FBXO28: variants seen among roughly 807,000 people sequenced by gnomAD.
FBXO28 encodes F-box protein 28.
In FBXO28, 8 loss-of-function variants were observed where a neutral mutation model predicts 38.1. That is an observed-to-expected ratio of 0.21 (90% CI 0.12 to 0.38). The LOEUF is 0.38. Among genes scored for constraint, FBXO28 ranks in the 10% least tolerant of loss-of-function variants. The probability of loss-of-function intolerance (pLI) is 1.00; values close to 1 mark genes in which losing one functional copy is unlikely to be tolerated. For missense variants in FBXO28, 345 were observed against 460.6 expected (o/e 0.75, Z 2.30); for synonymous variants, 168 against 173.8 (o/e 0.97, Z 0.26).
Position 224,161,913 on chromosome 1 carries a change from A to G in FBXO28, c.*4167A>G, listed in dbSNP as rs139930774. ...ATTGTGGTACCATGTCTGTTTACCT[A>G]TGCTTATGAGCAACAATAAATTACT... On this transcript the variant is annotated 3_prime_UTR_variant, in exon 5 of 5. Transcript: ENST00000366862. 1.3e-5 allele frequency: 2 copies of G among 152,336 alleles called. No homozygotes were observed. The highest frequency in any genetic ancestry group is 2.4e-5 in the African/African-American group (1 of 41,584). The allele number at this position is 152,336 out of a possible 1,614,324, so 9.4% of individuals were successfully genotyped here. A position where few individuals can be genotyped will look rare whatever the true frequency, so the allele number is the denominator to read the frequency against.
chr1:224,129,662 T>C (rs905520754), intron 1 of FBXO28, among the ~76,000 whole-genome samples: 4 of 152,156 alleles, frequency 2.6e-5, no homozygotes, highest in African/African-American at 4.8e-5. Flanking sequence ...TGCCTGCACA[T>C]AGTATTAATT....
At chr1:224,149,008 C>T (rs564805415) in intron 3 of FBXO28, among the ~76,000 whole-genome samples, 2 of 152,260 alleles carry the variant, frequency 1.3e-5, no homozygotes, top group South Asian at 4.1e-4. Flanking sequence ...AGTCATGTTT[C>T]ACTGGATAGG....
In FBXO28 at chr1:224,153,267, G is replaced by A. The variant is rs1657688379; in HGVS notation, c.642G>A (p.Lys214=). The part of the protein sequence containing the change: ...SSMAMEYFDE[K]IVPILKRKLP... ...TGGCAATGGAGTACTTTGATGAAAA[G>A]ATTGTTCCAATTTTAAAGAGGAAAT... Residue 214 remains lysine (K), a synonymous_variant, in exon 4 of 5, where the codon AAG becomes AAA. Coordinates refer to ENST00000366862, the MANE Select transcript of FBXO28 (RefSeq NM_015176.4). 6.2e-7 allele frequency: 1 copy of A among 1,611,310 alleles called. No homozygotes were observed. The highest frequency in any genetic ancestry group is 1.3e-5 in the African/African-American group (1 of 74,858).
intron 3 of FBXO28, among the ~76,000 whole-genome samples, chr1:224,145,405 C>A (rs1657477006): frequency 6.6e-6 from 1 of 151,372 alleles, no homozygotes. Context: ...TATTAATTAG[C>A]CTATGATAAA....
intron 1 of FBXO28, among the ~76,000 whole-genome samples, chr1:224,116,104 C>T (rs1656638415): frequency 6.6e-6 from 1 of 152,192 alleles, no homozygotes; most frequent in Non-Finnish European, 1.5e-5. Flanking sequence ...GGAGTCCCTT[C>T]AGTACAACTG....
intron 3 of FBXO28, among the ~76,000 whole-genome samples, chr1:224,148,669 GAAA>G (rs1240562426): frequency 2.2e-5 from 3 of 135,402 alleles, no homozygotes; most frequent in Non-Finnish European, 3.2e-5. Context: ...CTCAAAAAAA[GAAA>G]AAAAAAAAGA....
At chr1:224,149,439 C>T (rs990764627) in intron 3 of FBXO28, among the ~76,000 whole-genome samples, 1 of 152,158 alleles carries the variant, frequency 6.6e-6, no homozygotes, top group African/African-American at 2.4e-5. Context: ...AGTCTTCCCA[C>T]CTCGGCCTCC....
intron 3 of FBXO28, 188 bp downstream of exon 3, chr1:224,134,400 A>T: frequency 2.0e-6 from 1 of 497,228 alleles, no homozygotes; most frequent in Non-Finnish European, 3.4e-6. Context: ...TTAAAATTCT[A>T]ATTATGAAAT....
At chr1:224,132,199 C>T (rs893517400) in intron 2 of FBXO28, among the ~76,000 whole-genome samples, 3 of 152,042 alleles carry the variant, frequency 2.0e-5, no homozygotes, top group African/African-American at 7.2e-5. Flanking sequence ...TTTCAGTGAG[C>T]CAAGATCGCG....
intron 1 of FBXO28, among the ~76,000 whole-genome samples, chr1:224,128,750 G>T (rs568796107): frequency 3.3e-5 from 5 of 152,142 alleles, no homozygotes; most frequent in African/African-American, 1.2e-4. Flanking sequence ...ACTTTGGCAG[G>T]CCAAAGCAGA....
rs146779398 is a variant in FBXO28, at chr1:224,120,084, G to A, written c.267+5688G>A. 4.4e-4 allele frequency among the ~76,000 whole-genome samples: 67 copies of A among 152,288 alleles called. No homozygotes were observed. In the East Asian group the frequency reaches 0.013, roughly 28 times the overall value. On this transcript the variant is annotated intron_variant, in intron 1 of 4. Coordinates refer to ENST00000366862, the MANE Select transcript of FBXO28 (RefSeq NM_015176.4). ...ATATATCTGCATACCTTGATAAACT[G>A]AGTAGTATGAATTCTTACAAAATTG... is the stretch of plus-strand genomic sequence containing the variant.
intron 3 of FBXO28, among the ~76,000 whole-genome samples, chr1:224,148,677 AAAAG>A (rs1407979470): frequency 6.6e-6 from 1 of 151,960 alleles, no homozygotes; most frequent in Non-Finnish European, 1.5e-5. Context: ...AAGAAAAAAA[AAAAG>A]AAAAGAAACA....
At chr1:224,127,075 G>A (rs4528084) in intron 1 of FBXO28, among the ~76,000 whole-genome samples, 38,589 of 151,400 alleles carry the variant, frequency 0.25, 5,161 homozygotes, top group East Asian at 0.47. Flanking sequence ...TGATTATTCA[G>A]GACTGGGGCA....
At chr1:224,156,389 A>G (rs933113872) in intron 4 of FBXO28, among the ~76,000 whole-genome samples, 5 of 152,190 alleles carry the variant, frequency 3.3e-5, no homozygotes, top group Admixed American at 2.0e-4. Flanking sequence ...CTTTGTATAT[A>G]ACTTAAGTGC....
At chr1:224,156,738 G>A (rs567364934) in intron 4 of FBXO28, among the ~76,000 whole-genome samples, 17 of 152,152 alleles carry the variant, frequency 1.1e-4, no homozygotes, top group Non-Finnish European at 2.2e-4. Flanking sequence ...AGTGGCTCAC[G>A]CCTGTAATCC....
chr1:224,153,473 A>G, intron 4 of FBXO28, 136 bp downstream of exon 4: 1 of 611,072 alleles, frequency 1.6e-6, no homozygotes, highest in Non-Finnish European at 2.8e-6. Context: ...AGATTGGATT[A>G]TCAACCATAA....
chr1:224,139,075 G>T (rs537014240), intron 3 of FBXO28, among the ~76,000 whole-genome samples: 1 of 151,680 alleles, frequency 6.6e-6, no homozygotes, highest in African/African-American at 2.4e-5. Flanking sequence ...GAGCCACTGC[G>T]CCCAGCCCAG....
intron 1 of FBXO28, among the ~76,000 whole-genome samples, chr1:224,119,831 T>G (rs1158851649): frequency 6.6e-6 from 1 of 152,144 alleles, no homozygotes; most frequent in African/African-American, 2.4e-5. Context: ...CTTAGAGGGA[T>G]TCAGATAAAC....
At chr1:224,121,055 A>G (rs1015828436) in intron 1 of FBXO28, among the ~76,000 whole-genome samples, 1 of 152,118 alleles carries the variant, frequency 6.6e-6, no homozygotes, top group African/African-American at 2.4e-5. Context: ...AGACCATTTT[A>G]AGAAAATGAG....
Sources: gnomAD v4.1 joint callset for allele counts (sites outside exome capture counted in the v4.1 genomes callset) on GRCh38, gnomAD v4.1.1 for gene constraint, MANE v1.5 for transcripts, NCBI Gene and HGNC (gene_info 2026-07-23, HGNC 2026-07-21) for gene names.